Variants in TENM3 observed in about 807,000 individuals in gnomAD.
TENM3 encodes the protein teneurin-3.
In TENM3, 63 loss-of-function variants were observed where a neutral mutation model predicts 255.1. The ratio of observed to expected loss-of-function variants is 0.25; its 90% confidence interval spans 0.20 to 0.30. The LOEUF (loss-of-function observed/expected upper bound fraction) is 0.30, where lower values mean the gene tolerates loss of function less well. Ranked by LOEUF, TENM3 falls within the 10% of genes least tolerant of loss-of-function variation. The pLI is 1.00. For synonymous variants in TENM3, 1,306 were observed against 1,322.3 expected (o/e 0.99, Z 0.27); for missense variants, 2,929 against 3,461.1 (o/e 0.85, Z 3.86).
At chr4:181,794,472 C>T in the TENM3 span, among the ~76,000 whole-genome samples, 3 of 152,228 alleles carry the variant, frequency 2.0e-5, no homozygotes, top group Admixed American at 6.5e-5. Flanking sequence ...CCCTGGCAAC[C>T]GCCCTTCTAC....
the TENM3 span, among the ~76,000 whole-genome samples, chr4:181,605,584 G>GAAAGAAAGAAAGATAGAAAGAAA: frequency 4.3e-5 from 3 of 69,194 alleles, 1 homozygote; most frequent in Non-Finnish European, 3.0e-5. Context: ...GAGAAAGAAA[G>GAAAGAAAGAAAGATAGAAAGAAA]GAAAGAAAGA....
the TENM3 span, among the ~76,000 whole-genome samples, chr4:181,993,973 A>G: frequency 6.6e-6 from 1 of 152,230 alleles, no homozygotes; most frequent in South Asian, 2.1e-4. Context: ...TTCCCTCTCC[A>G]TTTGATAAAT....
rs571976423 is a variant in TENM3, at chr4:182,232,117, TTA to T, written c.-76+87364_-76+87365del. ...TCTTGTTTTGAGGTCTTTGGAAAAA[TTA>T]ATTGTTGGTAGCGTATATACAAATG... is the stretch of plus-strand genomic sequence containing the variant. On this transcript the variant is annotated intron_variant, in intron 1 of 2. Coordinates refer to the TENM3 transcript ENST00000512480. Among the ~76,000 whole-genome samples, 394 of 152,260 alleles carry T rather than the reference TTA, an allele frequency of 2.6e-3. 3 individuals are homozygous for T. The highest frequency in any genetic ancestry group is 8.8e-3 in the African/African-American group (364 of 41,550).
the TENM3 span, among the ~76,000 whole-genome samples, chr4:181,530,021 T>G: frequency 6.6e-6 from 1 of 152,250 alleles, no homozygotes; most frequent in African/African-American, 2.4e-5. Flanking sequence ...AGTTTGGCTC[T>G]TCTCTTAACT....
chr4:182,543,061 G>A lies in TENM3; in HGVS notation c.512-57863G>A, dbSNP rs201429850. ...GTGACATAACAAAGGAGTTCCTAACGAATGTAGCTTGTGATTGACCTATAT... is the reference window on the plus strand; with the variant it reads ...GTGACATAACAAAGGAGTTCCTAACAAATGTAGCTTGTGATTGACCTATAT... On this transcript the variant is annotated intron_variant, in intron 3 of 27. Coordinates refer to ENST00000511685, the MANE Select transcript of TENM3 (RefSeq NM_001080477.4). Among the ~76,000 whole-genome samples, 7 of 152,296 alleles carry A rather than the reference G, an allele frequency of 4.6e-5. No homozygotes were observed. The East Asian group carries it at 5.8e-4, about 13-fold the overall frequency.
At chr4:182,332,256 G>A (rs180810825) in intron 2 of TENM3, among the ~76,000 whole-genome samples, 64 of 152,264 alleles carry the variant, frequency 4.2e-4, no homozygotes, top group Non-Finnish European at 5.3e-4. Context: ...GATGTCCCTT[G>A]ACTGTGATGA....
the TENM3 span, among the ~76,000 whole-genome samples, chr4:181,926,711 G>C: frequency 2.0e-5 from 3 of 152,034 alleles, no homozygotes; most frequent in African/African-American, 7.2e-5. Flanking sequence ...TATGGTCCTG[G>C]TGTGGCTGGC....
chr4:181,620,562 A>C, the TENM3 span, among the ~76,000 whole-genome samples: 2 of 151,918 alleles, frequency 1.3e-5, no homozygotes, highest in Non-Finnish European at 2.9e-5. Flanking sequence ...TTGGAAATGA[A>C]CTCTCAATGT....
chr4:181,672,347 T>C, the TENM3 span, among the ~76,000 whole-genome samples: 1 of 152,208 alleles, frequency 6.6e-6, no homozygotes, highest in Admixed American at 6.5e-5. Context: ...CTATATTTGG[T>C]ACTAATACTA....
At chr4:182,080,796 A>G in the TENM3 span, among the ~76,000 whole-genome samples, 1 of 151,964 alleles carries the variant, frequency 6.6e-6, no homozygotes, top group East Asian at 1.9e-4. Context: ...GTTCACGACA[A>G]GCCTAGGCAA....
chr4:181,738,894 C>A, the TENM3 span, among the ~76,000 whole-genome samples: 2 of 151,904 alleles, frequency 1.3e-5, no homozygotes, highest in African/African-American at 4.8e-5. Context: ...GTTTGATGGC[C>A]TCACACAAGC....
chr4:181,929,377 C>T, the TENM3 span, among the ~76,000 whole-genome samples: 4 of 150,902 alleles, frequency 2.7e-5, no homozygotes, highest in Non-Finnish European at 4.4e-5. Context: ...GGAGGAGTTG[C>T]AATCCTAGTC....
At chr4:181,540,970 AC>A in the TENM3 span, among the ~76,000 whole-genome samples, 1 of 152,192 alleles carries the variant, frequency 6.6e-6, no homozygotes, top group African/African-American at 2.4e-5. Context: ...GAATATGGGA[AC>A]TACATGTGCA....
the TENM3 span, among the ~76,000 whole-genome samples, chr4:182,125,162 C>G: frequency 1.2e-4 from 15 of 120,400 alleles, no homozygotes; most frequent in Non-Finnish European, 2.0e-4. Flanking sequence ...CATTGCCCAG[C>G]GCATCCACGC....
At chr4:182,238,210 C>T (rs1171930775) in intron 1 of TENM3, among the ~76,000 whole-genome samples, 1 of 151,998 alleles carries the variant, frequency 6.6e-6, no homozygotes, top group Admixed American at 6.5e-5. Flanking sequence ...CTGGGGTCGT[C>T]GGAAGCCTGG....
At chr4:182,054,818 A>G in the TENM3 span, among the ~76,000 whole-genome samples, 2 of 152,172 alleles carry the variant, frequency 1.3e-5, no homozygotes, top group Admixed American at 1.3e-4. Context: ...TTTAATTAAA[A>G]AAAAGAATAA....
the TENM3 span, among the ~76,000 whole-genome samples, chr4:182,038,350 A>G: frequency 3.3e-5 from 5 of 152,174 alleles, no homozygotes; most frequent in Non-Finnish European, 1.5e-5. Flanking sequence ...TAGGATTTCA[A>G]ATTATTATTA....
chr4:181,600,531 G>A, the TENM3 span, among the ~76,000 whole-genome samples: 261 of 152,124 alleles, frequency 1.7e-3, no homozygotes, highest in Middle Eastern at 3.4e-3. Context: ...ACTTTCCCTA[G>A]CTCCTTGCAT....
the TENM3 span, among the ~76,000 whole-genome samples, chr4:181,634,258 G>T: frequency 6.6e-6 from 1 of 151,972 alleles, no homozygotes; most frequent in South Asian, 2.1e-4. Context: ...TTGAAAGTTC[G>T]CCCTGTGTAA....
Sources: gnomAD v4.1 joint callset for allele counts (sites outside exome capture counted in the v4.1 genomes callset) on GRCh38, gnomAD v4.1.1 for gene constraint, MANE v1.5 for transcripts, NCBI Gene and HGNC (gene_info 2026-07-23, HGNC 2026-07-21) for gene names.